BLZF1: variants seen among roughly 807,000 people sequenced by gnomAD.
BLZF1 encodes golgin-45.
A neutral mutation model predicts 43.8 loss-of-function variants in BLZF1; 39 were observed. The ratio of observed to expected loss-of-function variants is 0.89; its 90% CI spans 0.69 to 1.16. BLZF1 has a LOEUF of 1.16. Among genes scored for constraint, BLZF1 ranks in the 50% most tolerant of loss-of-function variants. BLZF1 has a pLI of 0.00. For missense variants in BLZF1, 449 were observed against 469.8 expected (o/e 0.96, Z 0.41); for synonymous variants, 136 against 159.4 (o/e 0.85, Z 1.11).
chr1:169,389,793 A>G (rs983062075), downstream of BLZF1, among the ~76,000 whole-genome samples: 6 of 152,252 alleles, frequency 3.9e-5, no homozygotes, highest in Admixed American at 3.3e-4. Flanking sequence ...ATTTGATGCT[A>G]CAATGTAGAT....
intron 2 of BLZF1, among the ~76,000 whole-genome samples, chr1:169,372,613 A>G (rs1654159527): frequency 6.6e-6 from 1 of 152,106 alleles, no homozygotes; most frequent in African/African-American, 2.4e-5. Flanking sequence ...AAGGGATGGG[A>G]GGAGGATGAG....
chr1:169,395,169 G>C, intron 7 of BLZF1: 1 of 1,612,088 alleles, frequency 6.2e-7, no homozygotes, highest in Non-Finnish European at 8.5e-7. Flanking sequence ...ACAGCTTGTT[G>C]CTCTGCCATT....
Position 169,376,863 on chromosome 1 carries a change from G to C in BLZF1, c.352G>C (p.Glu118Gln). Residue 118 changes from glutamate (E) to glutamine (Q), a missense_variant, in exon 3 of 7, where the codon GAA becomes CAA. By Grantham distance (29) the Glu-to-Gln change is conservative. Transcript: ENST00000367808. ...EFLGQSEGVI[E>Q]PNKELSEVKN... is the part of the protein sequence containing the mutation. ...CCTTGGTCAGTCAGAGGGAGTTATA[G>C]AACCTAATAAGGAACTCTCAGAGGT... 6.2e-7 allele frequency: 1 copy of C among 1,613,240 alleles called. No individual in the cohort carries two copies. Among genetic ancestry groups the C allele is most frequent in the Non-Finnish European group, 8.5e-7 (1 of 1,179,480 alleles).
intron 3 of BLZF1, chr1:169,377,201 G>A: frequency 2.0e-6 from 1 of 509,598 alleles, no homozygotes. Flanking sequence ...GGAGGTGTGA[G>A]GTGCTTTGGA....
chr1:169,378,233 A>G (rs1026396957), intron 3 of BLZF1, 97 bp from the exon 4 acceptor site: 1 of 1,267,336 alleles, frequency 7.9e-7, no homozygotes, highest in African/African-American at 1.5e-5. Context: ...CGGAGGTCCA[A>G]AATTACACAG....
rs1654716825 is a variant in BLZF1 at position 169,387,782 on chromosome 1, A to G, written c.*600A>G. On this transcript the variant is annotated 3_prime_UTR_variant, in exon 7 of 7. Coordinates refer to ENST00000367808, the MANE Select transcript of BLZF1 (RefSeq NM_001320973.2). ...CTTGCAGAAATGGGTGAAGGGATTA[A>G]TCTTTTAAAAATAAATGCTATATAT... 6.6e-6 allele frequency: 1 copy of G among 152,214 alleles called. No individual in the cohort carries two copies. Among genetic ancestry groups the G allele is most frequent in the African/African-American group, 2.4e-5 (1 of 41,442 alleles). The allele number at this position is 152,214 out of a possible 1,614,324, so 9.4% of individuals were successfully genotyped here. A position where few individuals can be genotyped will look rare whatever the true frequency, so the allele number is the denominator to read the frequency against.
intron 5 of BLZF1, among the ~76,000 whole-genome samples, chr1:169,380,969 C>T (rs894228981): frequency 2.6e-5 from 4 of 152,014 alleles, no homozygotes; most frequent in Non-Finnish European, 5.9e-5. Flanking sequence ...AGACTTCCTA[C>T]AGTATTAGAG....
At chr1:169,394,019 C>T (rs867405284) in intron 7 of BLZF1, among the ~76,000 whole-genome samples, 16 of 152,288 alleles carry the variant, frequency 1.1e-4, no homozygotes, top group Middle Eastern at 6.8e-3. Flanking sequence ...ATCAGAAGTA[C>T]TATTCCTCTA....
At chr1:169,394,982 G>A in intron 7 of BLZF1, 5 of 1,380,570 alleles carry the variant, frequency 3.6e-6, no homozygotes, top group South Asian at 1.4e-5. Context: ...AAAGTACACA[G>A]ACCCTAAGAA....
chr1:169,376,998 G>A lies in BLZF1; in HGVS notation c.468+19G>A, dbSNP rs762566628. The A allele has an allele frequency of 1.3e-5, 20 of 1,591,866 alleles. No homozygotes were observed. Among genetic ancestry groups the A allele is most frequent in the South Asian group, 4.5e-5 (4 of 89,624 alleles). On this transcript the variant is annotated intron_variant, in intron 3 of 6. Coordinates refer to ENST00000367808, the MANE Select transcript of BLZF1 (RefSeq NM_001320973.2). ...GACAGAGGTAAGAAGAGCCTTAATC[G>A]ATAAAATGAGTACTACTCTTTACGT... is the stretch of plus-strand genomic sequence containing the variant.
chr1:169,374,939 T>G (rs777327135), intron 2 of BLZF1, among the ~76,000 whole-genome samples: 5 of 152,076 alleles, frequency 3.3e-5, no homozygotes, highest in Non-Finnish European at 5.9e-5. Flanking sequence ...TCATAGGTAT[T>G]GAGCATGCAA....
chr1:169,377,108 C>T, intron 3 of BLZF1, 129 bp downstream of exon 3: 1 of 785,594 alleles, frequency 1.3e-6, no homozygotes, highest in Non-Finnish European at 2.0e-6. Flanking sequence ...CTCTAAAATG[C>T]TTCCTCTTAA....
chr1:169,394,903 C>T (rs1654925125), intron 7 of BLZF1: 3 of 683,046 alleles, frequency 4.4e-6, no homozygotes, highest in Non-Finnish European at 6.7e-6. Context: ...TTATTTTGTT[C>T]TAGTATTAAA....
downstream of BLZF1, among the ~76,000 whole-genome samples, chr1:169,390,234 A>C (rs1271683589): frequency 6.6e-6 from 1 of 152,050 alleles, no homozygotes; most frequent in Non-Finnish European, 1.5e-5. Context: ...TAGTGAGCTA[A>C]ATTTAAAAAA....
intron 6 of BLZF1, among the ~76,000 whole-genome samples, chr1:169,385,164 C>G (rs1654633116): frequency 6.6e-6 from 1 of 152,140 alleles, no homozygotes; most frequent in Non-Finnish European, 1.5e-5. Flanking sequence ...CATTTTATTT[C>G]ACTATACAAT....
At chr1:169,369,208 G>A (rs1654014141) in intron 1 of BLZF1, among the ~76,000 whole-genome samples, 1 of 151,954 alleles carries the variant, frequency 6.6e-6, no homozygotes, top group African/African-American at 2.4e-5. Context: ...CTAAAATTCA[G>A]GACATACTTC....
intron 6 of BLZF1, among the ~76,000 whole-genome samples, chr1:169,384,466 C>G (rs1654615495): frequency 6.6e-6 from 1 of 152,124 alleles, no homozygotes; most frequent in South Asian, 2.1e-4. Flanking sequence ...AAACAGTTCC[C>G]AGTCTCCCTC....
chr1:169,385,542 T>A (rs1476076385), intron 6 of BLZF1, among the ~76,000 whole-genome samples: 4 of 152,216 alleles, frequency 2.6e-5, no homozygotes, highest in Admixed American at 2.6e-4. Flanking sequence ...TGTTTCTCGC[T>A]CTATAAAGAC....
chr1:169,396,310 T>G (rs1225862426), exon 8 of BLZF1: 1 of 152,176 alleles, frequency 6.6e-6, no homozygotes, highest in African/African-American at 2.4e-5. Context: ...TCTCAGCACT[T>G]TGGGAGGCCA....
Sources: allele counts gnomAD v4.1 joint callset (sites outside exome capture counted in the v4.1 genomes callset), GRCh38; gene constraint gnomAD v4.1.1; transcripts MANE v1.5; gene names NCBI Gene and HGNC (gene_info 2026-07-23, HGNC 2026-07-21).